GNB1: variants seen among roughly 807,000 people sequenced by gnomAD.
GNB1 encodes the protein G protein subunit beta 1, also known as guanine nucleotide-binding protein G(I)/G(S)/G(T) subunit beta-1.
A neutral mutation model predicts 42.9 loss-of-function variants in GNB1; 2 were observed. That is an observed-to-expected ratio of 0.05 (90% CI 0.02 to 0.15). The LOEUF is 0.15. GNB1 is among the 10% of genes least tolerant of loss of function. The pLI, the probability that GNB1 is intolerant of heterozygous loss-of-function variation, is 1.00. For missense variants in GNB1, 193 were observed against 462.2 expected, an observed-to-expected ratio of 0.42 and a Z score of 5.34; for synonymous variants, 183 against 174.7, an observed-to-expected ratio of 1.05 and a Z score of -0.38.
chr1:1,810,498 T>A (rs895398579), intron 5 of GNB1, among the ~76,000 whole-genome samples: 3 of 133,812 alleles, frequency 2.2e-5, no homozygotes, highest in Non-Finnish European at 4.6e-5. Flanking sequence ...ATCGCACCAC[T>A]GCATTCTAGC....
In GNB1 at chr1:1,786,541, T is replaced by A. The variant is rs1220746912; in HGVS notation, c.*522A>T. 1.3e-5 allele frequency: 2 copies of A among 155,518 alleles called. No homozygotes were observed. The highest frequency in any genetic ancestry group is 1.9e-4 in the East Asian group (1 of 5,372). The allele number at this position is 155,518 out of a possible 1,614,324, so 9.6% of individuals were successfully genotyped here. A position where few individuals can be genotyped will look rare whatever the true frequency, so the allele number is the denominator to read the frequency against. ...GCTGCCCTAGACTCTCTGGTTTTGA[T>A]TAACTGTTGAACACAAAGGAATACA... is the stretch of plus-strand genomic sequence containing the variant. On this transcript the variant is annotated 3_prime_UTR_variant, in exon 12 of 12. Coordinates refer to ENST00000378609, the MANE Select transcript of GNB1 (RefSeq NM_002074.5).
At chr1:1,829,337 G>T (rs1032528011) in intron 2 of GNB1, among the ~76,000 whole-genome samples, 1 of 152,134 alleles carries the variant, frequency 6.6e-6, no homozygotes, top group African/African-American at 2.4e-5. Flanking sequence ...TTACAGGTAT[G>T]AGCCATCATG....
intron 9 of GNB1, among the ~76,000 whole-genome samples, 157 bp from the exon 10 acceptor site, chr1:1,789,426 C>T (rs1292750198): frequency 1.3e-5 from 2 of 151,972 alleles, no homozygotes; most frequent in Non-Finnish European, 2.9e-5. Flanking sequence ...GGTGCGGTGG[C>T]TCATGCCTGT....
chr1:1,832,783 TAC>T (rs1458459384), intron 2 of GNB1, among the ~76,000 whole-genome samples: 2 of 152,144 alleles, frequency 1.3e-5, no homozygotes, highest in African/African-American at 2.4e-5. Context: ...CAAAATAGGG[TAC>T]AGATATTGAA....
intron 3 of GNB1, among the ~76,000 whole-genome samples, chr1:1,818,682 G>T (rs1646889945): frequency 6.6e-6 from 1 of 152,080 alleles, no homozygotes; most frequent in African/African-American, 2.4e-5. Flanking sequence ...GGCCAACATG[G>T]TGAAACCCCA....
intron 7 of GNB1, among the ~76,000 whole-genome samples, chr1:1,801,211 A>G (rs1017860530): frequency 6.6e-6 from 1 of 152,272 alleles, no homozygotes; most frequent in African/African-American, 2.4e-5. Context: ...TATTTTTAGT[A>G]GACACGGGGT....
At chr1:1,815,596 T>C (rs1333717017) in intron 5 of GNB1, among the ~76,000 whole-genome samples, 160 bp downstream of exon 5, 1 of 152,232 alleles carries the variant, frequency 6.6e-6, no homozygotes, top group Non-Finnish European at 1.5e-5. Flanking sequence ...ACAGGGAATA[T>C]GCACCTGTGA....
chr1:1,801,187 T>C (rs1281190474), intron 7 of GNB1, among the ~76,000 whole-genome samples: 2 of 152,172 alleles, frequency 1.3e-5, no homozygotes, highest in African/African-American at 2.4e-5. Context: ...GCCACCATGC[T>C]TGGCTAATTT....
chr1:1,816,536 C>T (rs1341189078), intron 4 of GNB1, among the ~76,000 whole-genome samples: 2 of 152,010 alleles, frequency 1.3e-5, no homozygotes, highest in Non-Finnish European at 2.9e-5. Flanking sequence ...AAAGCACATC[C>T]CCTAAAGCAT....
At chr1:1,873,510 C>T (rs1649362433) in intron 1 of GNB1, among the ~76,000 whole-genome samples, 2 of 152,248 alleles carry the variant, frequency 1.3e-5, no homozygotes, top group South Asian at 4.1e-4. Flanking sequence ...CATACTCCCA[C>T]ATGATGATGA....
Position 1,851,905 on chromosome 1 carries a change from T to C in GNB1, c.-95-12667A>G, listed in dbSNP as rs377249750. 9.9e-5 allele frequency among the ~76,000 whole-genome samples: 15 copies of C among 151,802 alleles called. No individual in the cohort carries two copies. In the East Asian group the frequency reaches 2.8e-3, roughly 28 times the overall value. On this transcript the variant is annotated intron_variant, in intron 1 of 11. Coordinates refer to ENST00000378609, the MANE Select transcript of GNB1 (RefSeq NM_002074.5). ...CTAAAAATACGAAATCAGCCGGGCA[T>C]GGTAGCGCATGCTTGTAATCCCAGC...
Position 1,860,639 on chromosome 1 carries a change from A to AC in GNB1, c.-95-21402dup, listed in dbSNP as rs1254756647. ...GCAACAGAGCAAGACTCCATCTCCAACAAAAAAAAAAAAAAAGAGGGAGGA... is the reference window on the plus strand; with the variant it reads ...GCAACAGAGCAAGACTCCATCTCCAACCAAAAAAAAAAAAAAAGAGGGAGGA... On this transcript the variant is annotated intron_variant, in intron 1 of 11. Coordinates refer to ENST00000378609, the MANE Select transcript of GNB1 (RefSeq NM_002074.5). 5.4e-5 allele frequency among the ~76,000 whole-genome samples: 8 copies of AC among 148,194 alleles called. No homozygotes were observed. In the South Asian group the frequency reaches 1.3e-3, roughly 24 times the overall value.
chr1:1,866,096 G>A (rs191400392), intron 1 of GNB1, among the ~76,000 whole-genome samples: 3 of 152,146 alleles, frequency 2.0e-5, no homozygotes, highest in Non-Finnish European at 2.9e-5. Context: ...GCACCACCAC[G>A]GCCAGCTAAT....
chr1:1,833,625 AT>A (rs1293717713), intron 2 of GNB1, among the ~76,000 whole-genome samples: 1 of 152,130 alleles, frequency 6.6e-6, no homozygotes, highest in Admixed American at 6.5e-5. Flanking sequence ...AAACAGGTAA[AT>A]CACGTGGAGT....
chr1:1,860,208 A>G (rs1648543839), intron 1 of GNB1, among the ~76,000 whole-genome samples: 2 of 152,198 alleles, frequency 1.3e-5, no homozygotes, highest in South Asian at 2.1e-4. Flanking sequence ...GTTCTCATTT[A>G]TAAGTGGGAG....
chr1:1,791,375 A>G (rs1197345975), intron 8 of GNB1, among the ~76,000 whole-genome samples: 2 of 152,108 alleles, frequency 1.3e-5, no homozygotes, highest in South Asian at 4.1e-4. Flanking sequence ...GGGTTTCTCC[A>G]TATTGGTCAG....
intron 1 of GNB1, among the ~76,000 whole-genome samples, chr1:1,874,699 G>A (rs970097134): frequency 6.6e-6 from 1 of 151,460 alleles, no homozygotes; most frequent in African/African-American, 2.4e-5. Context: ...ACTGAGACAG[G>A]AGAATTGCTT....
chr1:1,842,238 G>A (rs1004315985), intron 1 of GNB1, among the ~76,000 whole-genome samples: 5 of 152,176 alleles, frequency 3.3e-5, no homozygotes, highest in East Asian at 1.9e-4. Context: ...AGACCATCCT[G>A]GCTAACACGG....
At chr1:1,838,774 TG>T (rs769098421) in intron 2 of GNB1, among the ~76,000 whole-genome samples, 9 of 152,202 alleles carry the variant, frequency 5.9e-5, no homozygotes, top group Non-Finnish European at 1.0e-4. Context: ...AGATCTGATT[TG>T]AAAAAAGGGC....
Sources: allele counts gnomAD v4.1 joint callset (sites outside exome capture counted in the v4.1 genomes callset), GRCh38; gene constraint gnomAD v4.1.1; transcripts MANE v1.5; gene names NCBI Gene and HGNC (gene_info 2026-07-23, HGNC 2026-07-21).